Variants in LRCH4 observed in about 807,000 individuals in gnomAD.
LRCH4 encodes leucine rich repeats and calponin homology domain containing 4.
Under a neutral mutation model 81.2 loss-of-function variants are expected in LRCH4, and 56 were observed. That is an observed-to-expected ratio of 0.69 (90% CI 0.56 to 0.86). The LOEUF is 0.86. LRCH4 is among the 40% of genes least tolerant of loss of function. LRCH4 has a pLI of 0.00. For synonymous variants in LRCH4, 442 were observed against 409.7 expected (o/e 1.08, Z -0.95); for missense variants, 895 against 922.8 (o/e 0.97, Z 0.39).
rs919739720 is a variant in LRCH4 at position 100,577,858 on chromosome 7, G to A, written c.1003C>T (p.Pro335Ser). The A allele has an allele frequency of 7.4e-6, 12 of 1,613,748 alleles. No homozygotes were observed. In the East Asian group the frequency reaches 1.6e-4, roughly 21 times the overall value. The stretch of plus-strand genomic sequence containing the variant: ...TCCTTGCGTTCTCTGGGTCCCCGGG[G>A]CTCCCGGGCCAGCTCTGAGATCCGG... ...SFRISELARE[P>S]RGPRERKEDG... The change falls in exon 8 of 18, where the codon CCC becomes TCC. Residue 335 changes from proline (P) to serine (S), a missense_variant. Physicochemically the swap from Pro to Ser is moderately conservative, Grantham distance 74. Transcript: ENST00000310300. The surrounding 1 kb of genome is among the most constrained non-coding windows in gnomAD (Gnocchi z 6.7).
Position 100,577,589 on chromosome 7 carries a change from C to G in LRCH4, c.1117-31G>C. 6.2e-7 allele frequency: 1 copy of G among 1,611,370 alleles called. No homozygotes were observed. Among genetic ancestry groups the G allele is most frequent in the African/African-American group, 1.3e-5 (1 of 75,030 alleles). On this transcript the variant is annotated intron_variant, in intron 9 of 17. Transcript: ENST00000310300. This position sits in a 1 kb window ranked among gnomAD's most constrained non-coding sequence, Gnocchi z 6.7. Reference sequence around the variant, plus strand: ...GAGAGAACAGCAGAGCAGCTGAGGGCAGGCCTGTGCCCACGCCTGCCCTGT... The same window carrying G: ...GAGAGAACAGCAGAGCAGCTGAGGGGAGGCCTGTGCCCACGCCTGCCCTGT...
intron 1 of LRCH4, chr7:100,584,918 T>C: frequency 2.6e-6 from 1 of 379,048 alleles, no homozygotes. Flanking sequence ...CTGATCCTGA[T>C]CCCCACCCCC....
chr7:100,586,077 T>G lies in LRCH4; in HGVS notation c.24A>C (p.Pro8=), dbSNP rs1054408139. 7 of 1,544,508 alleles carry G rather than the reference T, an allele frequency of 4.5e-6. No individual in the cohort carries two copies. In the African/African-American group the frequency reaches 5.5e-5, roughly 12 times the overall value. The change falls in exon 1 of 18, where the codon CCA becomes CCC. Residue 8 remains proline (P), a synonymous_variant. Transcript: ENST00000310300. MAAAVAA[P]LAAGGEEAAA... ...CCGCCTCCTCACCCCCGGCGGCGAG[T>G]GGAGCCGCTACGGCCGCCGCCATCC... is the stretch of plus-strand genomic sequence containing the variant.
intron 4 of LRCH4, 29 bp downstream of exon 4, chr7:100,581,748 C>T: frequency 6.2e-7 from 1 of 1,604,774 alleles, no homozygotes; most frequent in Non-Finnish European, 8.5e-7. Context: ...CATACAAACA[C>T]CTCCTCTCCA....
At chr7:100,581,755 T>G (rs757930273) in intron 4 of LRCH4, 22 bp downstream of exon 4, 102 of 1,609,876 alleles carry the variant, frequency 6.3e-5, no homozygotes, top group Non-Finnish European at 7.8e-5. Context: ...ACACCTCCTC[T>G]CCAGTTCTTC....
In LRCH4 at chr7:100,582,561, T is replaced by A; in HGVS notation, c.221-102A>T. On this transcript the variant is annotated intron_variant, in intron 1 of 17. Coordinates refer to ENST00000310300, the MANE Select transcript of LRCH4 (RefSeq NM_002319.5). The surrounding 1 kb of genome is among the most constrained non-coding windows in gnomAD (Gnocchi z 5.0). ...CTGCCCACTCCCTCACCTCCACACC[T>A]AAAGATTCAAGGCCATCAATGTGGC... 2 of 1,208,956 alleles carry A rather than the reference T, an allele frequency of 1.7e-6. No individual in the cohort carries two copies. Among genetic ancestry groups the A allele is most frequent in the Non-Finnish European group, 2.3e-6 (2 of 860,774 alleles). 74.9% of individuals were successfully genotyped at this position (1,208,956 alleles called of 1,614,324 possible). A position where few individuals can be genotyped will look rare whatever the true frequency, so the allele number is the denominator to read the frequency against.
chr7:100,574,628 G>GCACACACACACACACA lies in LRCH4; in HGVS notation c.*478_*479insTGTGTGTGTGTGTGTG, dbSNP rs1348217748. ...CAACACGCGGAGCAGACGCGCGCGC[G>GCACACACACACACACA]CGCGCACACACACACACACAGGCAG... On this transcript the variant is annotated 3_prime_UTR_variant, in exon 18 of 18. Transcript: ENST00000310300. 1.7e-4 allele frequency: 23 copies of GCACACACACACACACA among 134,186 alleles called. No homozygotes were observed. Among genetic ancestry groups the GCACACACACACACACA allele is most frequent in the African/African-American group, 5.5e-4 (18 of 32,572 alleles). The allele number at this position is 134,186 out of a possible 1,614,324, so 8.3% of individuals were successfully genotyped here. A position where few individuals can be genotyped will look rare whatever the true frequency, so the allele number is the denominator to read the frequency against.
rs1801273779 is a variant in LRCH4, at chr7:100,574,605, A to G, written c.*502T>C. On this transcript the variant is annotated 3_prime_UTR_variant, in exon 18 of 18. Transcript: ENST00000310300. ...CACAGAGCCATGGCCACAGCCACCA[A>G]CACGCGGAGCAGACGCGCGCGCGCG... 7.0e-6 allele frequency: 1 copy of G among 143,252 alleles called. No homozygotes were observed. The highest frequency in any genetic ancestry group is 2.8e-5 in the African/African-American group (1 of 36,270). 8.9% of individuals were successfully genotyped at this position (143,252 alleles called of 1,614,324 possible). A position where few individuals can be genotyped will look rare whatever the true frequency, so the allele number is the denominator to read the frequency against.
At position 100,576,306 on chromosome 7, in the gene LRCH4, A is replaced by T. The variant is rs1480777196; in HGVS notation, c.1570T>A (p.Ser524Thr). ...QSGSGPSSPDSVLRPRRYPQV... is the reference protein window; with the variant it reads ...QSGSGPSSPDTVLRPRRYPQV... ...GGGTACCGCCGAGGTCTCAGGACAG[A>T]GTCTGGTGAGGAAGGGCCTAGGAGA... Residue 524 changes from serine to threonine, a missense_variant, in exon 15 of 18, where the codon TCT becomes ACT. By Grantham distance (58) the Ser-to-Thr change is moderately conservative (BLOSUM62 1). Coordinates refer to ENST00000310300, the MANE Select transcript of LRCH4 (RefSeq NM_002319.5). 6.2e-7 allele frequency: 1 copy of T among 1,613,964 alleles called. No individual in the cohort carries two copies. Among genetic ancestry groups the T allele is most frequent in the Non-Finnish European group, 8.5e-7 (1 of 1,179,958 alleles).
chr7:100,578,891 C>T lies in LRCH4; in HGVS notation c.599-105G>A. ...AGCTGGCCAGTCACCCTGGGCCCAGCACAGCCTCTCCCCTGGGTGGCTCAA... is the reference window on the plus strand; with the variant it reads ...AGCTGGCCAGTCACCCTGGGCCCAGTACAGCCTCTCCCCTGGGTGGCTCAA... On this transcript the variant is annotated intron_variant, in intron 4 of 17. Transcript: ENST00000310300. The surrounding 1 kb of genome is among the most constrained non-coding windows in gnomAD (Gnocchi z 5.7). The T allele has an allele frequency of 1.6e-6, 2 of 1,258,004 alleles. No homozygotes were observed. Among genetic ancestry groups the T allele is most frequent in the Non-Finnish European group, 2.2e-6 (2 of 899,542 alleles). The allele number at this position is 1,258,004 out of a possible 1,614,324, so 77.9% of individuals were successfully genotyped here.
chr7:100,577,396 G>A lies in LRCH4; in HGVS notation c.1179-7C>T. On this transcript the variant is annotated splice_polypyrimidine_tract_variant and splice_region_variant and intron_variant, in intron 10 of 17. Transcript: ENST00000310300. This position sits in a 1 kb window ranked among gnomAD's most constrained non-coding sequence, Gnocchi z 6.7. ...CCCTGCCGGCTCCTCCCGCCTGAGG[G>A]ACCAAGACAGGGCAAGAGGGGCAGA... 1 of 1,600,130 alleles carries A rather than the reference G, an allele frequency of 6.2e-7. No homozygotes were observed. Among genetic ancestry groups the A allele is most frequent in the Non-Finnish European group, 8.5e-7 (1 of 1,179,522 alleles).
chr7:100,575,375 C>CGAG lies in LRCH4; in HGVS notation c.1855-72_1855-71insCTC. The CGAG allele has an allele frequency of 7.3e-7, 1 of 1,362,758 alleles. No individual in the cohort carries two copies. The highest frequency in any genetic ancestry group is 1.0e-6 in the Non-Finnish European group (1 of 998,922). 84.4% of individuals were successfully genotyped at this position (1,362,758 alleles called of 1,614,324 possible). ...AGCAGCAGCAGCAGGACAGTCCCTC[C>CGAG]CACCCCTGCCCTCACGTGCTGGGGC... On this transcript the variant is annotated intron_variant, in intron 17 of 17. Transcript: ENST00000310300. The surrounding 1 kb of genome is among the most constrained non-coding windows in gnomAD (Gnocchi z 5.3).
intron 13 of LRCH4, 28 bp downstream of exon 13, chr7:100,576,874 C>T: frequency 1.3e-6 from 2 of 1,540,266 alleles, no homozygotes; most frequent in South Asian, 2.4e-5. Context: ...ACACAGGCCC[C>T]ATCCTCCTCC....
At position 100,577,611 on chromosome 7, in the gene LRCH4, C is replaced by T. The variant is rs1489206130; in HGVS notation, c.1116+53G>A. The T allele has an allele frequency of 1.2e-6, 2 of 1,611,860 alleles. No homozygotes were observed. The highest frequency in any genetic ancestry group is 1.7e-6 in the Non-Finnish European group (2 of 1,179,726). ...GGGCAGGCCTGTGCCCACGCCTGCC[C>T]TGTCCCCTCCTCCAGCTCCCCTCCC... On this transcript the variant is annotated intron_variant, in intron 9 of 17. Transcript: ENST00000310300. This position sits in a 1 kb window ranked among gnomAD's most constrained non-coding sequence, Gnocchi z 6.7.
chr7:100,575,183 A>G lies in LRCH4; in HGVS notation c.1976T>C (p.Leu659Pro). 1 of 1,613,336 alleles carries G rather than the reference A, an allele frequency of 6.2e-7. No individual in the cohort carries two copies. The highest frequency in any genetic ancestry group is 8.5e-7 in the Non-Finnish European group (1 of 1,179,646). The change falls in exon 18 of 18, where the codon CTG becomes CCG. Residue 659 changes from leucine (L) to proline (P), a missense_variant. By Grantham distance (98) the Leu-to-Pro change is moderately conservative (BLOSUM62 -3). Coordinates refer to ENST00000310300, the MANE Select transcript of LRCH4 (RefSeq NM_002319.5). The surrounding 1 kb of genome is among the most constrained non-coding windows in gnomAD (Gnocchi z 5.3). ...ALPPLWPPSG[L>P]GGFVVFYVVL... is the part of the protein sequence containing the mutation. ...CACGTAGAAGACGACGAAGCCGCCCAGACCAGAGGGGGGCCAGAGGGGCGG... is the reference window on the plus strand; with the variant it reads ...CACGTAGAAGACGACGAAGCCGCCCGGACCAGAGGGGGGCCAGAGGGGCGG...
At position 100,586,110 on chromosome 7, in the gene LRCH4, G is replaced by A. The variant is rs1195895152; in HGVS notation, c.-10C>T. 1.3e-6 allele frequency: 2 copies of A among 1,512,560 alleles called. No individual in the cohort carries two copies. The highest frequency in any genetic ancestry group is 1.8e-6 in the Non-Finnish European group (2 of 1,125,982). The allele number at this position is 1,512,560 out of a possible 1,614,324, so 93.7% of individuals were successfully genotyped here. On this transcript the variant is annotated 5_prime_UTR_variant, in exon 1 of 18. Coordinates refer to ENST00000310300, the MANE Select transcript of LRCH4 (RefSeq NM_002319.5). The stretch of plus-strand genomic sequence containing the variant: ...CTACGGCCGCCGCCATCCGCTCCCG[G>A]CGGCTCCCGCTGCCTGACTGACGGG...
At chr7:100,581,538 T>C (rs560811431) in intron 4 of LRCH4, 1 of 462,612 alleles carries the variant, frequency 2.2e-6, no homozygotes, top group Non-Finnish European at 3.9e-6. Flanking sequence ...CAGAGGGCTG[T>C]CTCTGCTCTC....
intron 1 of LRCH4, chr7:100,584,707 G>A (rs1298230834): frequency 2.2e-6 from 1 of 456,566 alleles, no homozygotes; most frequent in African/African-American, 2.0e-5. Flanking sequence ...GAGCAGGCGA[G>A]ATCAGTGGGG....
At chr7:100,581,720 T>C in intron 4 of LRCH4, 57 bp downstream of exon 4, 1 of 1,513,376 alleles carries the variant, frequency 6.6e-7, no homozygotes. Context: ...TACCGCAGCC[T>C]GAGCCAACTG....
Sources: gnomAD v4.1 joint callset for allele counts on GRCh38, gnomAD v4.1.1 for gene constraint, Gnocchi (gnomAD v3.1) non-coding constraint, MANE v1.5 for transcripts, NCBI Gene and HGNC (gene_info 2026-07-23, HGNC 2026-07-21) for gene names.